The following CDK13 variants were observed in gnomAD, a reference collection of about 807,000 sequenced individuals.
CDK13 encodes the protein cyclin-dependent kinase 13.
Under a neutral mutation model 137.6 loss-of-function variants are expected in CDK13, and 40 were observed. The ratio of observed to expected loss-of-function variants is 0.29; its 90% CI spans 0.23 to 0.38. The LOEUF (loss-of-function observed/expected upper bound fraction) is 0.38. CDK13 is among the 10% of genes least tolerant of loss of function. The pLI is 1.00. For missense variants in CDK13, 1,704 were observed against 1,951.8 expected, an observed-to-expected ratio of 0.87 and a Z score of 2.39; for synonymous variants, 869 against 760.1, an observed-to-expected ratio of 1.14 and a Z score of -2.36.
rs1258245330 is a variant in CDK13, at chr7:39,950,919, C to T, written c.278C>T (p.Ala93Val). 3.8e-6 allele frequency: 5 copies of T among 1,328,042 alleles called. No homozygotes were observed. In the East Asian group the frequency reaches 9.3e-5, roughly 25 times the overall value. The allele number at this position is 1,328,042 out of a possible 1,614,324, so 82.3% of individuals were successfully genotyped here. The change falls in exon 1 of 14, where the codon GCG becomes GTG. Residue 93 changes from alanine to valine, a missense_variant. Coordinates refer to ENST00000181839, the MANE Select transcript of CDK13 (RefSeq NM_003718.5). ...PGPPLEVKRL[A>V]RGKRRAGGRQ... Reference sequence around the variant, plus strand: ...CCCCCTCTGGAGGTCAAGCGGCTGGCGAGAGGCAAGAGGCGCGCAGGAGGG... The same window carrying T: ...CCCCCTCTGGAGGTCAAGCGGCTGGTGAGAGGCAAGAGGCGCGCAGGAGGG...
chr7:39,995,520 T>G (rs953571196), intron 2 of CDK13, among the ~76,000 whole-genome samples: 7 of 152,216 alleles, frequency 4.6e-5, no homozygotes, highest in African/African-American at 1.7e-4. Flanking sequence ...AATCTGTTTG[T>G]GTAACACTTT....
chr7:40,077,146 T>C (rs1002910599), intron 9 of CDK13, among the ~76,000 whole-genome samples: 2 of 152,200 alleles, frequency 1.3e-5, no homozygotes, highest in Non-Finnish European at 2.9e-5. Flanking sequence ...CTTTATGACT[T>C]AAGATCAGCA....
chr7:40,051,179 A>G (rs1160805765), intron 7 of CDK13, among the ~76,000 whole-genome samples: 1 of 152,120 alleles, frequency 6.6e-6, no homozygotes, highest in African/African-American at 2.4e-5. Context: ...AGTTAAATGT[A>G]TAAGAGGAAA....
intron 5 of CDK13, among the ~76,000 whole-genome samples, chr7:40,020,317 C>G (rs1785087103): frequency 6.6e-6 from 1 of 152,182 alleles, no homozygotes; most frequent in Non-Finnish European, 1.5e-5. Context: ...ATCCTCCCAC[C>G]TCCTCCCGGC....
At chr7:40,039,079 CTCTT>C (rs1198705588) in intron 5 of CDK13, among the ~76,000 whole-genome samples, 8 of 152,266 alleles carry the variant, frequency 5.3e-5, no homozygotes, top group South Asian at 2.1e-4. Context: ...CTAATTGTCT[CTCTT>C]TCTCACTTTT....
intron 9 of CDK13, among the ~76,000 whole-genome samples, chr7:40,076,415 G>A (rs1786545590): frequency 6.6e-6 from 1 of 152,066 alleles, no homozygotes; most frequent in South Asian, 2.1e-4. Context: ...TAGAATTTAG[G>A]GAGAAGGAGC....
At chr7:40,020,130 C>T (rs1785082173) in intron 5 of CDK13, among the ~76,000 whole-genome samples, 1 of 152,210 alleles carries the variant, frequency 6.6e-6, no homozygotes, top group East Asian at 1.9e-4. Flanking sequence ...TGCAGTGTCA[C>T]AATCTTGGCT....
chr7:40,051,551 T>C (rs931950156), intron 7 of CDK13, among the ~76,000 whole-genome samples: 3 of 152,214 alleles, frequency 2.0e-5, no homozygotes, highest in African/African-American at 7.2e-5. Context: ...AAAGTCACTT[T>C]GAAGTGTTTT....
At chr7:39,980,636 G>GC (rs1375576914) in intron 1 of CDK13, among the ~76,000 whole-genome samples, 2 of 152,122 alleles carry the variant, frequency 1.3e-5, no homozygotes, top group Non-Finnish European at 2.9e-5. Flanking sequence ...ACTGTATTGG[G>GC]CATCATATGT....
intron 7 of CDK13, among the ~76,000 whole-genome samples, chr7:40,058,909 T>C (rs1379103379): frequency 1.3e-5 from 2 of 152,252 alleles, no homozygotes; most frequent in Admixed American, 6.5e-5. Context: ...AAGACTCTCT[T>C]TGTCTCAAAA....
chr7:39,953,563 C>G (rs1787307066), intron 1 of CDK13, among the ~76,000 whole-genome samples: 1 of 151,994 alleles, frequency 6.6e-6, no homozygotes, highest in South Asian at 2.1e-4. Flanking sequence ...GTATGTATGA[C>G]TAGGACTATT....
intron 5 of CDK13, among the ~76,000 whole-genome samples, chr7:40,014,058 CTTTTTTTTTTTTTT>C (rs927741062): frequency 6.6e-5 from 4 of 60,936 alleles, no homozygotes; most frequent in Admixed American, 3.3e-4. Flanking sequence ...GCTGTCTTGT[CTTTTTTTTTTTTTT>C]TTTTTTTTTT....
chr7:40,087,700 C>CACCACGCCTGGCTAATTTTTGTATTTTT (rs1786822492), intron 11 of CDK13, among the ~76,000 whole-genome samples: 1 of 151,984 alleles, frequency 6.6e-6, no homozygotes, highest in Non-Finnish European at 1.5e-5. Context: ...AGGTGCCCGC[C>CACCACGCCTGGCTAATTTTTGTATTTTT]ACCACGCCTG....
intron 5 of CDK13, among the ~76,000 whole-genome samples, chr7:40,008,788 A>C (rs1230420119): frequency 6.6e-6 from 1 of 152,200 alleles, no homozygotes; most frequent in Non-Finnish European, 1.5e-5. Context: ...GCAGGGTTGA[A>C]AGTCACTCAT....
chr7:40,045,742 T>G, intron 5 of CDK13, 94 bp from the exon 6 acceptor site: 1 of 784,212 alleles, frequency 1.3e-6, no homozygotes, highest in South Asian at 1.7e-5. Flanking sequence ...AAGGATTAAT[T>G]CTTCCTCTAC....
chr7:39,978,853 TTAGA>T (rs1562708721), intron 1 of CDK13, among the ~76,000 whole-genome samples: 1 of 152,266 alleles, frequency 6.6e-6, no homozygotes. Flanking sequence ...GGAGTTAGCC[TTAGA>T]TAGAAAGAGG....
At chr7:40,006,654 C>T (rs778699835) in intron 5 of CDK13, among the ~76,000 whole-genome samples, 2 of 151,992 alleles carry the variant, frequency 1.3e-5, no homozygotes, top group East Asian at 1.9e-4. Context: ...TGGGGACACA[C>T]GCCTGTAATC....
intron 1 of CDK13, among the ~76,000 whole-genome samples, chr7:39,968,207 C>T (rs1290969453): frequency 6.6e-6 from 1 of 152,084 alleles, no homozygotes; most frequent in Non-Finnish European, 1.5e-5. Flanking sequence ...TCATTGTTTC[C>T]TTTGCTTTGC....
At chr7:39,953,771 T>A (rs565381495) in intron 1 of CDK13, among the ~76,000 whole-genome samples, 140 of 152,282 alleles carry the variant, frequency 9.2e-4, no homozygotes, top group Non-Finnish European at 1.7e-3. Flanking sequence ...AACTTTAGGG[T>A]GTCTTGGCTA....
Sources: allele counts gnomAD v4.1 joint callset (sites outside exome capture counted in the v4.1 genomes callset), GRCh38; gene constraint gnomAD v4.1.1; transcripts MANE v1.5; gene names NCBI Gene and HGNC (gene_info 2026-07-23, HGNC 2026-07-21).